The following SYNPO2 variants were observed in gnomAD, a reference collection of about 807,000 sequenced individuals.
SYNPO2 encodes the protein synaptopodin 2.
A neutral mutation model predicts 85.0 loss-of-function variants in SYNPO2; 56 were observed. The observed-to-expected ratio is 0.66, with a 90% CI of 0.53 to 0.82. The LOEUF is 0.82. SYNPO2 is among the 40% of genes least tolerant of loss of function. The pLI is 0.00. For synonymous variants in SYNPO2, 602 were observed against 591.1 expected, an observed-to-expected ratio of 1.02 and a Z score of -0.27; for missense variants, 1,575 against 1,534.2, an observed-to-expected ratio of 1.03 and a Z score of -0.44.
chr4:119,047,414 T>C (rs770418719), intron 4 of SYNPO2, among the ~76,000 whole-genome samples: 7 of 152,222 alleles, frequency 4.6e-5, no homozygotes, highest in Admixed American at 6.5e-5. Context: ...TTCAAAAATA[T>C]GGTTTATTAG....
intron 1 of SYNPO2, among the ~76,000 whole-genome samples, chr4:119,012,393 T>TTTA (rs1553946399): frequency 0.036 from 4,771 of 130,772 alleles, 86 homozygotes; most frequent in Non-Finnish European, 0.044. Flanking sequence ...TTTTTTTTTT[T>TTTA]ATTTTACTTT....
At chr4:119,053,230 A>T (rs1288475679) in intron 4 of SYNPO2, among the ~76,000 whole-genome samples, 1 of 152,238 alleles carries the variant, frequency 6.6e-6, no homozygotes, top group Non-Finnish European at 1.5e-5. Flanking sequence ...AACACTGTGA[A>T]AATTGCTTTG....
intron 1 of SYNPO2, among the ~76,000 whole-genome samples, chr4:118,868,818 A>T (rs372270636): frequency 1.3e-5 from 2 of 152,182 alleles, no homozygotes; most frequent in Non-Finnish European, 2.9e-5. Context: ...AAAACAAACT[A>T]CAGGAAAATA....
Position 119,023,562 on chromosome 4 carries a change from C to G in SYNPO2, c.238C>G (p.Leu80Val). 1 of 1,612,814 alleles carries G rather than the reference C, an allele frequency of 6.2e-7. No individual in the cohort carries two copies. Among genetic ancestry groups the G allele is most frequent in the Non-Finnish European group, 8.5e-7 (1 of 1,179,412 alleles). Residue 80 changes from leucine to valine, a missense_variant, in exon 2 of 5, where the codon CTC becomes GTC. By Grantham distance (32) the Leu-to-Val change is conservative. Around this residue, in one of 3 missense-constraint regions of SYNPO2, gnomAD observed 1,508 missense variants for 1,446.8 expected, o/e 1.04. Coordinates refer to ENST00000307142, the MANE Select transcript of SYNPO2 (RefSeq NM_133477.3). ...IKLMESITDSLQMLIKRPSSG... is the reference protein window; with the variant it reads ...IKLMESITDSVQMLIKRPSSG... The stretch of plus-strand genomic sequence containing the variant: ...GCTCATGGAAAGCATAACAGACTCT[C>G]TCCAAATGCTCATCAAAAGGTACAA...
chr4:118,881,504 C>T (rs1268990942), intron 1 of SYNPO2, among the ~76,000 whole-genome samples: 2 of 152,116 alleles, frequency 1.3e-5, no homozygotes, highest in African/African-American at 2.4e-5. Flanking sequence ...CCACCCAATC[C>T]GTGGCGTTTG....
At chr4:118,880,278 A>G (rs1732057600) in intron 1 of SYNPO2, among the ~76,000 whole-genome samples, 1 of 152,198 alleles carries the variant, frequency 6.6e-6, no homozygotes, top group Non-Finnish European at 1.5e-5. Flanking sequence ...CAGTTAGGCT[A>G]TCTGTATGCT....
rs557946743 is a variant in SYNPO2, at chr4:118,916,852, C to T, written c.105+27711C>T. 2.1e-4 allele frequency among the ~76,000 whole-genome samples: 31 copies of T among 151,204 alleles called. 1 individual carries two copies. The highest frequency in any genetic ancestry group is 5.6e-4 in the African/African-American group (23 of 41,246). On this transcript the variant is annotated intron_variant, in intron 1 of 4. Coordinates refer to ENST00000307142, the MANE Select transcript of SYNPO2 (RefSeq NM_133477.3). ...GGTTCAAGTAATCCTTCAACTTCAG[C>T]CTCTTAAGTAGCAAGGGCTACAAAG...
chr4:119,036,178 A>G, intron 4 of SYNPO2: 1 of 985,442 alleles, frequency 1.0e-6, no homozygotes, highest in Non-Finnish European at 1.2e-6. Flanking sequence ...ATTTGAAGTC[A>G]TGGTCATCAA....
chr4:118,961,360 A>G lies in SYNPO2; in HGVS notation c.106-62070A>G, dbSNP rs1188968660. 2.6e-5 allele frequency among the ~76,000 whole-genome samples: 4 copies of G among 152,148 alleles called. No individual in the cohort carries two copies. In the South Asian group the frequency reaches 8.3e-4, roughly 32 times the overall value. On this transcript the variant is annotated intron_variant, in intron 1 of 4. Coordinates refer to ENST00000307142, the MANE Select transcript of SYNPO2 (RefSeq NM_133477.3). ...TCATCTCTGGCTTTTCCTCTCATTC[A>G]CCTCTGTCCAGACACGCTGGCTTTT...
At chr4:118,857,291 T>C (rs1325721391) in intron 1 of SYNPO2, among the ~76,000 whole-genome samples, 1 of 152,152 alleles carries the variant, frequency 6.6e-6, no homozygotes, top group Admixed American at 6.5e-5. Flanking sequence ...TTCTTCATTT[T>C]GGGAAATTAT....
At chr4:119,032,789 G>A (rs1192386149) in intron 4 of SYNPO2, 4 of 863,052 alleles carry the variant, frequency 4.6e-6, no homozygotes, top group Non-Finnish European at 5.6e-6. Context: ...GGAGGCTGAG[G>A]TAGGAGGACT....
At chr4:118,882,267 T>A (rs1224560021) in intron 1 of SYNPO2, among the ~76,000 whole-genome samples, 1 of 152,192 alleles carries the variant, frequency 6.6e-6, no homozygotes, top group African/African-American at 2.4e-5. Context: ...CTGTTCCAAA[T>A]AATCACAACC....
intron 1 of SYNPO2, among the ~76,000 whole-genome samples, chr4:118,937,300 T>C (rs1734142291): frequency 6.6e-6 from 1 of 152,114 alleles, no homozygotes; most frequent in African/African-American, 2.4e-5. Flanking sequence ...TAGAACAAAC[T>C]CTTTTCTGCC....
intron 1 of SYNPO2, among the ~76,000 whole-genome samples, chr4:119,007,265 T>TATGTATATAC (rs1553945971): frequency 5.6e-5 from 5 of 89,240 alleles, no homozygotes; most frequent in African/African-American, 2.8e-4. Flanking sequence ...TATATATATA[T>TATGTATATAC]ATATATATAT....
At chr4:119,015,288 G>T (rs1255676702) in intron 1 of SYNPO2, among the ~76,000 whole-genome samples, 2 of 152,078 alleles carry the variant, frequency 1.3e-5, no homozygotes, top group Non-Finnish European at 2.9e-5. Context: ...CAAAATAATA[G>T]AATTTATAAA....
intron 4 of SYNPO2, among the ~76,000 whole-genome samples, chr4:119,048,124 C>T (rs1469283669): frequency 6.6e-6 from 1 of 152,204 alleles, no homozygotes; most frequent in Non-Finnish European, 1.5e-5. Context: ...AAATCTTCCA[C>T]CTGTTTAGAA....
chr4:118,887,218 A>C (rs1450320746), upstream of SYNPO2, among the ~76,000 whole-genome samples: 1 of 145,216 alleles, frequency 6.9e-6, no homozygotes, highest in Non-Finnish European at 1.5e-5. Context: ...CTCTGATGGG[A>C]TGGTCAGGGC....
Position 119,057,605 on chromosome 4 carries a change from C to G in SYNPO2, c.3457C>G (p.Gln1153Glu), listed in dbSNP as rs762658143. 1 of 1,614,044 alleles carries G rather than the reference C, an allele frequency of 6.2e-7. No individual in the cohort carries two copies. Among genetic ancestry groups the G allele is most frequent in the Admixed American group, 1.7e-5 (1 of 60,016 alleles). ...VDDAFQPRNIQESIVANVVSA... is the reference protein window; with the variant it reads ...VDDAFQPRNIEESIVANVVSA... The stretch of plus-strand genomic sequence containing the variant: ...TGATGCTTTCCAACCCAGAAACATC[C>G]AGGAATCCATTGTGGCAAATGTGGT... The change falls in exon 5 of 5, where the codon CAG becomes GAG. Residue 1153 changes from glutamine (Q) to glutamate (E), a missense_variant. By Grantham distance (29) the Gln-to-Glu change is conservative. Transcript: ENST00000307142.
Position 118,881,578 on chromosome 4 carries a change from T to C in SYNPO2, c.12+30638T>C, listed in dbSNP as rs937715096. Among the ~76,000 whole-genome samples the C allele has an allele frequency of 2.0e-5, 3 of 152,216 alleles. No individual in the cohort carries two copies. In the South Asian group the frequency reaches 6.2e-4, roughly 31 times the overall value. ...CCGAGGGGGAGCAAGGCAACAGCCC[T>C]GGGCTTTGTGTAAAAGAAAGAGTTG... On this transcript the variant is annotated intron_variant, in intron 1 of 4. Coordinates refer to the SYNPO2 transcript ENST00000610556.
Sources: gnomAD v4.1 joint callset for allele counts (sites outside exome capture counted in the v4.1 genomes callset) on GRCh38, gnomAD v4.1.1 for gene constraint, gnomAD v4.1.1 regional missense constraint, MANE v1.5 for transcripts, NCBI Gene and HGNC (gene_info 2026-07-23, HGNC 2026-07-21) for gene names.